SZT2: variants seen among roughly 807,000 people sequenced by gnomAD.
SZT2 encodes the protein SZT2 subunit of KICSTOR complex.
A neutral mutation model predicts 404.2 loss-of-function variants in SZT2; 216 were observed. The ratio of observed to expected loss-of-function variants is 0.53; its 90% CI spans 0.48 to 0.60. The LOEUF is 0.60. Among genes scored for constraint, SZT2 ranks in the 20% least tolerant of loss-of-function variants. SZT2 has a pLI of 0.00. For missense variants in SZT2, 3,857 were observed against 4,459.2 expected (o/e 0.86, Z 3.85); for synonymous variants, 1,693 against 1,749.9 (o/e 0.97, Z 0.81).
chr1:43,427,007 G>T (rs1428646226), intron 23 of SZT2, 49 bp from the exon 24 acceptor site: 11 of 1,608,648 alleles, frequency 6.8e-6, no homozygotes, highest in Non-Finnish European at 8.5e-6. Context: ...GGGAACAGGG[G>T]TTGGACATTC....
In SZT2 at chr1:43,450,601, A is replaced by C; in HGVS notation, c.*121A>C. ...CAGGGCAAGCCAGACACTGAGTGAC[A>C]CCAAAGGCTTTGTAACTATGTCTTG... On this transcript the variant is annotated 3_prime_UTR_variant, in exon 72 of 72. Transcript: ENST00000634258. This position sits in a 1 kb window ranked among gnomAD's most constrained non-coding sequence, Gnocchi z 4.3. 2 of 1,420,246 alleles carry C rather than the reference A, an allele frequency of 1.4e-6. No individual in the cohort carries two copies. The highest frequency in any genetic ancestry group is 4.6e-5 in the East Asian group (2 of 43,418). The allele number at this position is 1,420,246 out of a possible 1,614,324, so 88.0% of individuals were successfully genotyped here.
intron 1 of SZT2, among the ~76,000 whole-genome samples, chr1:43,398,088 G>A (rs1365901436): frequency 2.0e-5 from 3 of 152,030 alleles, no homozygotes; most frequent in African/African-American, 7.3e-5. Flanking sequence ...GCTTTTCCTT[G>A]GTTTTTCCTT....
At chr1:43,427,904 T>TA in intron 26 of SZT2, 99 bp from the exon 27 acceptor site, 1 of 1,292,534 alleles carries the variant, frequency 7.7e-7, no homozygotes, top group Non-Finnish European at 1.1e-6. Context: ...ATACACTTGA[T>TA]ATGTGTCTAT....
Position 43,425,666 on chromosome 1 carries a change from C to A in SZT2, c.2814+24C>A. 6.2e-7 allele frequency: 1 copy of A among 1,611,734 alleles called. No individual in the cohort carries two copies. Among genetic ancestry groups the A allele is most frequent in the Admixed American group, 1.7e-5 (1 of 59,976 alleles). ...CTGTGAGTGTCCTCAGAACAGTACCCGCACCTCTCTCACTGGATTGGGGTG... is the reference window on the plus strand; with the variant it reads ...CTGTGAGTGTCCTCAGAACAGTACCAGCACCTCTCTCACTGGATTGGGGTG... On this transcript the variant is annotated intron_variant, in intron 19 of 71. Transcript: ENST00000634258. This position sits in a 1 kb window ranked among gnomAD's most constrained non-coding sequence, Gnocchi z 4.3.
At chr1:43,438,124 TC>T (rs1338320998) in intron 46 of SZT2, 1 of 522,180 alleles carries the variant, frequency 1.9e-6, no homozygotes, top group Non-Finnish European at 3.5e-6. Context: ...CTCCTCTAGT[TC>T]CTGCTGTGCT....
chr1:43,446,191 C>T lies in SZT2; in HGVS notation c.8929C>T (p.Pro2977Ser), dbSNP rs776765358. Residue 2977 changes from proline to serine, a missense_variant, in exon 64 of 72, where the codon CCG becomes TCG. Around this residue, in one of 7 missense-constraint regions of SZT2, gnomAD observed 717 missense variants for 868.2 expected, o/e 0.83. Transcript: ENST00000634258. ...TTTGTTTCTTCAGAGCACTAGCTCTCCGGTAACCACCTACCACCTGCAGCG... is the reference window on the plus strand; with the variant it reads ...TTTGTTTCTTCAGAGCACTAGCTCTTCGGTAACCACCTACCACCTGCAGCG... ...TDGSPKSTSSPVTTYHLQRAL... is the reference protein window; with the variant it reads ...TDGSPKSTSSSVTTYHLQRAL... The T allele has an allele frequency of 2.5e-6, 4 of 1,614,242 alleles. No homozygotes were observed. The East Asian group carries it at 6.7e-5, about 27-fold the overall frequency.
At chr1:43,446,027 T>C in intron 63 of SZT2, 43 bp downstream of exon 63, 3 of 1,606,844 alleles carry the variant, frequency 1.9e-6, no homozygotes, top group East Asian at 2.2e-5. Flanking sequence ...GCTAAATTAC[T>C]TTCCCACGGC....
chr1:43,446,846 C>T, intron 65 of SZT2, 109 bp from the exon 66 acceptor site: 1 of 1,205,072 alleles, frequency 8.3e-7, no homozygotes, highest in Non-Finnish European at 1.2e-6. Context: ...TCCACTAGGC[C>T]ACAGCAGCAG....
chr1:43,436,905 C>T (rs1362105934), intron 42 of SZT2: 1 of 508,146 alleles, frequency 2.0e-6, no homozygotes, highest in Non-Finnish European at 3.5e-6. Flanking sequence ...TTTCCTCATG[C>T]TTTGCCTGCC....
intron 13 of SZT2, 35 bp from the exon 14 acceptor site, chr1:43,422,734 C>G (rs1652552927): frequency 6.6e-7 from 1 of 1,522,972 alleles, no homozygotes; most frequent in African/African-American, 1.4e-5. Flanking sequence ...TTCCTGCCAA[C>G]CTTGGGCTGC....
Position 43,424,695 on chromosome 1 carries a change from G to A in SZT2, c.2472-89G>A. The A allele has an allele frequency of 3.4e-6, 4 of 1,172,328 alleles. No homozygotes were observed. Among genetic ancestry groups the A allele is most frequent in the South Asian group, 1.3e-5 (1 of 76,384 alleles). The allele number at this position is 1,172,328 out of a possible 1,614,324, so 72.6% of individuals were successfully genotyped here. On this transcript the variant is annotated intron_variant, in intron 16 of 71. Coordinates refer to ENST00000634258, the MANE Select transcript of SZT2 (RefSeq NM_001365999.1). The surrounding 1 kb of genome is among the most constrained non-coding windows in gnomAD (Gnocchi z 4.1). The stretch of plus-strand genomic sequence containing the variant: ...CAGACTTGGCTCCTTGAGGACTGCT[G>A]GGAGGTGGGTGTATGTGGGGAGAGC...
intron 4 of SZT2, among the ~76,000 whole-genome samples, chr1:43,408,883 G>A (rs899106427): frequency 6.6e-6 from 1 of 152,122 alleles, no homozygotes; most frequent in African/African-American, 2.4e-5. Flanking sequence ...GTTGGGAACA[G>A]GGAGTAAAAA....
chr1:43,441,337 G>T lies in SZT2; in HGVS notation c.7468G>T (p.Ala2490Ser). 6.2e-7 allele frequency: 1 copy of T among 1,614,236 alleles called. No individual in the cohort carries two copies. Among genetic ancestry groups the T allele is most frequent in the Non-Finnish European group, 8.5e-7 (1 of 1,180,034 alleles). The change falls in exon 53 of 72, where the codon GCT becomes TCT. Residue 2490 changes from alanine to serine, a missense_variant. This residue lies in a region of SZT2 where 573 missense variants were observed against 592.4 expected (regional missense o/e 0.97). Coordinates refer to ENST00000634258, the MANE Select transcript of SZT2 (RefSeq NM_001365999.1). This position sits in a 1 kb window ranked among gnomAD's most constrained non-coding sequence, Gnocchi z 4.8. Reference sequence around the variant, plus strand: ...CGAGAGTGTTCGGACTCCTGGTGGAGCTGAGCGGGCGCCAGGCTCAGATTC... The same window carrying T: ...CGAGAGTGTTCGGACTCCTGGTGGATCTGAGCGGGCGCCAGGCTCAGATTC... ...KTESVRTPGG[A>S]ERAPGSDSGA...
chr1:43,421,966 A>C (rs947046550), intron 11 of SZT2, 117 bp from the exon 12 acceptor site: 3 of 1,196,168 alleles, frequency 2.5e-6, no homozygotes, highest in Non-Finnish European at 3.4e-6. Flanking sequence ...TGTAGCCTCA[A>C]ACCACTGCTG....
chr1:43,431,662 G>GC (rs1653901399), intron 35 of SZT2, 54 bp from the exon 36 acceptor site: 4 of 1,605,714 alleles, frequency 2.5e-6, no homozygotes, highest in Non-Finnish European at 3.4e-6. Flanking sequence ...GGGAGTAAGG[G>GC]GATGCCCAAG....
intron 61 of SZT2, 54 bp downstream of exon 61, chr1:43,443,531 C>G: frequency 6.2e-7 from 1 of 1,613,460 alleles, no homozygotes; most frequent in South Asian, 1.1e-5. Context: ...ACAGTGACCC[C>G]CCTCCTCCAT....
In SZT2 at chr1:43,437,865, A is replaced by G; in HGVS notation, c.6471A>G (p.Arg2157=). Residue 2157 remains arginine (R), a synonymous_variant, in exon 46 of 72, where the codon AGA becomes AGG. Coordinates refer to ENST00000634258, the MANE Select transcript of SZT2 (RefSeq NM_001365999.1). The surrounding 1 kb of genome is among the most constrained non-coding windows in gnomAD (Gnocchi z 5.3). ...DAARPVGQVD[R]HIQLLVHGVG... Reference sequence around the variant, plus strand: ...CTCGTCCTGTGGGCCAAGTGGACAGACATATCCAGCTGCTGGTCCATGGTG... The same window carrying G: ...CTCGTCCTGTGGGCCAAGTGGACAGGCATATCCAGCTGCTGGTCCATGGTG... 6.2e-7 allele frequency: 1 copy of G among 1,614,134 alleles called. No homozygotes were observed. The highest frequency in any genetic ancestry group is 1.1e-5 in the South Asian group (1 of 91,082).
At chr1:43,409,882 A>G (rs1650797997) in intron 4 of SZT2, 1 of 152,346 alleles carries the variant, frequency 6.6e-6, no homozygotes, top group South Asian at 2.1e-4. Flanking sequence ...AATACCAATG[A>G]CATTCTTCAT....
chr1:43,431,487 G>C lies in SZT2; in HGVS notation c.5052G>C (p.Thr1684=). 6.2e-7 allele frequency: 1 copy of C among 1,614,012 alleles called. No homozygotes were observed. The highest frequency in any genetic ancestry group is 2.2e-5 in the East Asian group (1 of 44,870). The part of the protein sequence containing the change: ...ERHPGLSNLA[T]PHRLAIETTM... The stretch of plus-strand genomic sequence containing the variant: ...ACCCAGGACTATCCAATTTGGCCAC[G>C]CCCCACAGACTGGCTATTGAGACCA... Residue 1684 remains threonine, a synonymous_variant, in exon 35 of 72, where the codon ACG becomes ACC. Coordinates refer to ENST00000634258, the MANE Select transcript of SZT2 (RefSeq NM_001365999.1).
Sources: gnomAD v4.1 joint callset for allele counts (sites outside exome capture counted in the v4.1 genomes callset) on GRCh38, gnomAD v4.1.1 for gene constraint, gnomAD v4.1.1 regional missense constraint, Gnocchi (gnomAD v3.1) non-coding constraint, MANE v1.5 for transcripts, NCBI Gene and HGNC (gene_info 2026-07-23, HGNC 2026-07-21) for gene names.